SGCZ: variants seen among roughly 807,000 people sequenced by gnomAD.
The protein encoded by SGCZ is sarcoglycan zeta, also known as zeta-sarcoglycan.
In SGCZ, 40 loss-of-function variants were observed where a neutral mutation model predicts 41.3. The ratio of observed to expected loss-of-function variants is 0.97; its 90% CI spans 0.75 to 1.26. SGCZ has a LOEUF of 1.26. Among genes scored for constraint, SGCZ ranks in the 50% most tolerant of loss-of-function variants. The pLI, the probability that SGCZ is intolerant of heterozygous loss-of-function variation, is 0.00. For missense variants in SGCZ, 552 were observed against 369.8 expected, an observed-to-expected ratio of 1.49 and a Z score of -4.04; for synonymous variants, 206 against 137.5, an observed-to-expected ratio of 1.50 and a Z score of -3.49.
Position 15,216,272 on chromosome 8 carries a change from T to G in SGCZ, c.39+21313A>C, listed in dbSNP as rs187161215. 2.1e-5 allele frequency among the ~76,000 whole-genome samples: 3 copies of G among 142,276 alleles called. No individual in the cohort carries two copies. In the East Asian group the frequency reaches 6.2e-4, roughly 29 times the overall value. 93.3% of individuals were successfully genotyped at this position (142,276 alleles called of 152,430 possible). ...TGTTGCTCTGTCATCCAGGCTGGAG[T>G]GCAGCGGCACGATCTCGGCTCAAGG... On this transcript the variant is annotated intron_variant, in intron 1 of 7. Coordinates refer to ENST00000382080, the MANE Select transcript of SGCZ (RefSeq NM_139167.4).
chr8:15,161,437 A>T (rs1346117925), intron 1 of SGCZ, among the ~76,000 whole-genome samples: 1 of 152,154 alleles, frequency 6.6e-6, no homozygotes, highest in African/African-American at 2.4e-5. Context: ...TGTCTTAGAC[A>T]TCCTCAATTT....
At chr8:14,427,062 GAA>G (rs1799805724) in intron 2 of SGCZ, among the ~76,000 whole-genome samples, 12 of 94,554 alleles carry the variant, frequency 1.3e-4, no homozygotes, top group Admixed American at 1.1e-3. Context: ...ATGAATGAAT[GAA>G]TGAGTGAATG....
intron 2 of SGCZ, among the ~76,000 whole-genome samples, chr8:14,490,811 T>C (rs1013911254): frequency 2.2e-5 from 1 of 45,650 alleles, no homozygotes; most frequent in African/African-American, 9.1e-5. Flanking sequence ...AAGGTGAGAA[T>C]TGATCATTTC....
intron 1 of SGCZ, among the ~76,000 whole-genome samples, chr8:14,617,504 A>G (rs1806143290): frequency 6.6e-6 from 1 of 152,164 alleles, no homozygotes; most frequent in Admixed American, 6.5e-5. Flanking sequence ...CTGCCTTAAA[A>G]TGTTGAGATT....
rs766804620 is a variant in SGCZ at position 14,090,595 on chromosome 8, T to C, written c.787A>G (p.Thr263Ala). The change falls in exon 8 of 8, where the codon ACT (threonine) becomes GCT (alanine). Residue 263 changes from threonine (T) to alanine (A), a missense_variant. Thr to Ala is a moderately conservative substitution (Grantham distance 58). Coordinates refer to ENST00000382080, the MANE Select transcript of SGCZ (RefSeq NM_139167.4). ...GGTGAAGAAGATGAGAAGGAGCCAG[T>C]TGGTAGATTTCCCAGCTTGATTGTC... is the stretch of plus-strand genomic sequence containing the variant. ...AETIKLGNLP[T>A]GSFSSSSPSS... 13 of 1,612,526 alleles carry C rather than the reference T, an allele frequency of 8.1e-6. No homozygotes were observed. In the East Asian group the frequency reaches 1.1e-4, roughly 14 times the overall value.
At chr8:14,839,492 A>C (rs1223843135) in intron 1 of SGCZ, among the ~76,000 whole-genome samples, 1 of 152,154 alleles carries the variant, frequency 6.6e-6, no homozygotes, top group African/African-American at 2.4e-5. Flanking sequence ...TAAATTTGAG[A>C]GTTATTATTG....
intron 2 of SGCZ, among the ~76,000 whole-genome samples, chr8:14,536,747 A>G (rs1169193065): frequency 6.6e-6 from 1 of 151,260 alleles, no homozygotes; most frequent in Non-Finnish European, 1.5e-5. Flanking sequence ...GAATATTTTA[A>G]CAAAACTAAG....
At chr8:14,310,840 A>C (rs760573954) in intron 3 of SGCZ, among the ~76,000 whole-genome samples, 4 of 152,120 alleles carry the variant, frequency 2.6e-5, no homozygotes, top group Non-Finnish European at 5.9e-5. Flanking sequence ...GAAAATTCGG[A>C]AAAACCAGTA....
intron 1 of SGCZ, among the ~76,000 whole-genome samples, chr8:15,127,637 C>T (rs1350852254): frequency 1.3e-5 from 2 of 152,124 alleles, no homozygotes; most frequent in Non-Finnish European, 2.9e-5. Context: ...ATTATCAGCA[C>T]TTCTTGGATA....
chr8:15,076,232 A>G (rs868211454), intron 1 of SGCZ, among the ~76,000 whole-genome samples: 3 of 152,286 alleles, frequency 2.0e-5, no homozygotes, highest in Middle Eastern at 6.8e-3. Flanking sequence ...GAAATTTGTC[A>G]GGACTTTTTG....
chr8:14,111,434 A>G (rs1802368765), intron 5 of SGCZ, among the ~76,000 whole-genome samples: 1 of 152,138 alleles, frequency 6.6e-6, no homozygotes, highest in South Asian at 2.1e-4. Flanking sequence ...CAGGCTCTAG[A>G]AACCATAGAA....
intron 1 of SGCZ, among the ~76,000 whole-genome samples, chr8:14,731,779 C>G (rs1193798499): frequency 6.6e-6 from 1 of 152,120 alleles, no homozygotes; most frequent in African/African-American, 2.4e-5. Flanking sequence ...CCCACCAAAT[C>G]TCTAAGACCA....
At chr8:15,166,845 C>T (rs1476244571) in intron 1 of SGCZ, among the ~76,000 whole-genome samples, 1 of 152,104 alleles carries the variant, frequency 6.6e-6, no homozygotes, top group East Asian at 1.9e-4. Context: ...ATACAGCCTT[C>T]TGATAACTTT....
At chr8:14,945,651 G>T (rs927821880) in intron 1 of SGCZ, among the ~76,000 whole-genome samples, 2 of 150,294 alleles carry the variant, frequency 1.3e-5, no homozygotes, top group African/African-American at 2.5e-5. Context: ...CCAGACTGAG[G>T]GGGGAGATCT....
chr8:14,866,909 G>A (rs189502965), intron 1 of SGCZ, among the ~76,000 whole-genome samples: 20 of 152,220 alleles, frequency 1.3e-4, no homozygotes, highest in Non-Finnish European at 2.5e-4. Flanking sequence ...TCAGAATGTT[G>A]CCTTAAAGTT....
At chr8:14,544,635 C>T (rs1317661299) in intron 2 of SGCZ, among the ~76,000 whole-genome samples, 1 of 151,936 alleles carries the variant, frequency 6.6e-6, no homozygotes, top group Admixed American at 6.6e-5. Context: ...TGAGATACAC[C>T]CTGGTCTCCT....
chr8:14,246,828 T>G (rs949555469), intron 3 of SGCZ, among the ~76,000 whole-genome samples: 2 of 138,818 alleles, frequency 1.4e-5, no homozygotes, highest in African/African-American at 5.5e-5. Context: ...TAGAATGGCA[T>G]GAACCCGGGA....
intron 2 of SGCZ, among the ~76,000 whole-genome samples, chr8:14,341,095 T>C (rs1563267525): frequency 6.6e-6 from 1 of 152,198 alleles, no homozygotes; most frequent in Non-Finnish European, 1.5e-5. Context: ...TGTTGTAGCA[T>C]GTGTCAAAAT....
intron 1 of SGCZ, among the ~76,000 whole-genome samples, chr8:15,115,948 A>T (rs924354550): frequency 6.6e-6 from 1 of 152,224 alleles, no homozygotes; most frequent in Non-Finnish European, 1.5e-5. Context: ...GCAAACTTTA[A>T]TAGGCCACAT....
Sources: gnomAD v4.1 joint callset for allele counts (sites outside exome capture counted in the v4.1 genomes callset) on GRCh38, gnomAD v4.1.1 for gene constraint, MANE v1.5 for transcripts, NCBI Gene and HGNC (gene_info 2026-07-23, HGNC 2026-07-21) for gene names.